Variants in NR6A1 observed in about 807,000 individuals in gnomAD.
The protein encoded by NR6A1 is retinoic acid receptor-related testis-associated receptor.
In NR6A1, 7 loss-of-function variants were observed where a neutral mutation model predicts 59.1. The ratio of observed to expected loss-of-function variants is 0.12; its 90% CI spans 0.07 to 0.22. NR6A1 has a LOEUF of 0.22. Ranked by LOEUF, NR6A1 falls within the 10% of genes least tolerant of loss-of-function variation. The pLI is 1.00. For synonymous variants in NR6A1, 243 were observed against 236.1 expected (o/e 1.03, Z -0.27); for missense variants, 468 against 611.6 (o/e 0.77, Z 2.48).
intron 2 of NR6A1, among the ~76,000 whole-genome samples, chr9:124,703,306 G>A (rs1037309270): frequency 6.8e-6 from 1 of 147,364 alleles, no homozygotes; most frequent in African/African-American, 2.5e-5. Flanking sequence ...TCAAACTCCT[G>A]GGCTCAGGTG....
intron 2 of NR6A1, among the ~76,000 whole-genome samples, chr9:124,599,971 T>C (rs571646716): frequency 1.3e-5 from 2 of 152,224 alleles, no homozygotes; most frequent in South Asian, 4.2e-4. Flanking sequence ...GCTGAAGGGG[T>C]AAGTTTAGTT....
chr9:124,564,139 C>T (rs1834165186), intron 2 of NR6A1, among the ~76,000 whole-genome samples: 1 of 152,018 alleles, frequency 6.6e-6, no homozygotes, highest in African/African-American at 2.4e-5. Flanking sequence ...ATAAATAGTG[C>T]TTTAATTTAA....
At chr9:124,555,945 T>G (rs1169249428) in intron 2 of NR6A1, among the ~76,000 whole-genome samples, 1 of 152,178 alleles carries the variant, frequency 6.6e-6, no homozygotes, top group Non-Finnish European at 1.5e-5. Flanking sequence ...TCGAAGGCAA[T>G]GTTAGCAGAG....
intron 2 of NR6A1, among the ~76,000 whole-genome samples, chr9:124,608,988 G>GT (rs879485044): frequency 2.4e-4 from 36 of 151,856 alleles, no homozygotes; most frequent in Non-Finnish European, 4.7e-4. Flanking sequence ...TTTTTAATGT[G>GT]TTTTTTTCCT....
intron 2 of NR6A1, among the ~76,000 whole-genome samples, chr9:124,587,255 AAC>A (rs1834963066): frequency 6.6e-6 from 1 of 152,232 alleles, no homozygotes; most frequent in Non-Finnish European, 1.5e-5. Context: ...CTATAGTATA[AAC>A]ACAACTTTTA....
chr9:124,542,940 AC>A (rs1256861845), intron 4 of NR6A1, among the ~76,000 whole-genome samples: 1 of 152,036 alleles, frequency 6.6e-6, no homozygotes, highest in Non-Finnish European at 1.5e-5. Context: ...CCAATTTTCT[AC>A]CCTCATGAAG....
intron 2 of NR6A1, among the ~76,000 whole-genome samples, chr9:124,588,116 G>A (rs1467779175): frequency 1.3e-5 from 2 of 152,100 alleles, no homozygotes; most frequent in African/African-American, 4.8e-5. Flanking sequence ...CTAATAAATC[G>A]AGTCTAAGTT....
chr9:124,638,208 A>G (rs916172637), intron 2 of NR6A1, among the ~76,000 whole-genome samples: 2 of 151,956 alleles, frequency 1.3e-5, no homozygotes, highest in African/African-American at 4.8e-5. Flanking sequence ...GTGAGCTATG[A>G]TCACACCACT....
intron 7 of NR6A1, among the ~76,000 whole-genome samples, chr9:124,533,579 G>A (rs1440547058): frequency 6.6e-6 from 1 of 152,182 alleles, no homozygotes; most frequent in Non-Finnish European, 1.5e-5. Flanking sequence ...GTGGGAGGGG[G>A]AGATGGATCC....
chr9:124,552,044 A>C (rs946717373), intron 3 of NR6A1, among the ~76,000 whole-genome samples: 2 of 152,180 alleles, frequency 1.3e-5, no homozygotes, highest in African/African-American at 4.8e-5. Context: ...TCTTCTGACT[A>C]TGGTCAGAGG....
chr9:124,599,000 CA>C (rs1374294562), intron 2 of NR6A1: 2 of 738,990 alleles, frequency 2.7e-6, no homozygotes, highest in Non-Finnish European at 2.5e-6. Flanking sequence ...GTGGTTGGCA[CA>C]AATCTTCAGG....
At chr9:124,525,284 AACACACACACACACACAC>A (rs71492413) in intron 8 of NR6A1, among the ~76,000 whole-genome samples, 4 of 137,304 alleles carry the variant, frequency 2.9e-5, no homozygotes, top group Admixed American at 2.2e-4. Context: ...ATGCTTGTAA[AACACACACACACACACAC>A]ACACACACAC....
rs1414443524 is a variant in NR6A1, at chr9:124,543,808, T to C, written c.435A>G (p.Pro145=). ...MPGGRNKSIG[P]VQISEEEIER... is the part of the protein sequence containing the mutation. The stretch of plus-strand genomic sequence containing the variant: ...ACTGAGGTCTAGAACTCACCTGGAC[T>C]GGCCCAATGCTCTTATTCCGGCCTC... Residue 145 remains proline (P), a synonymous_variant, in exon 4 of 10, where the codon CCA becomes CCG. Transcript: ENST00000487099. 14 of 1,613,432 alleles carry C rather than the reference T, an allele frequency of 8.7e-6. No individual in the cohort carries two copies. In the Admixed American group the frequency reaches 2.2e-4, roughly 25 times the overall value.
intron 2 of NR6A1, among the ~76,000 whole-genome samples, chr9:124,617,136 G>C (rs148335556): frequency 5.9e-5 from 9 of 152,308 alleles, no homozygotes; most frequent in African/African-American, 1.9e-4. Context: ...ACTTCACCCA[G>C]TCAATCTGCA....
intron 2 of NR6A1, among the ~76,000 whole-genome samples, chr9:124,662,744 T>C (rs963347749): frequency 2.0e-5 from 3 of 152,244 alleles, no homozygotes; most frequent in African/African-American, 7.2e-5. Context: ...GTGACCATGC[T>C]GTCCCATGCA....
Position 124,527,566 on chromosome 9 carries a change from G to A in NR6A1, c.1080-666C>T, listed in dbSNP as rs1430785056. ...ATTCTCTCAACCCTATGAGCTAGGT[G>A]AGATAATCATCAGCACTGTACAAAT... On this transcript the variant is annotated intron_variant, in intron 7 of 9. Coordinates refer to ENST00000487099, the MANE Select transcript of NR6A1 (RefSeq NM_033334.4). Among the ~76,000 whole-genome samples, 3 of 152,238 alleles carry A rather than the reference G, an allele frequency of 2.0e-5. No homozygotes were observed. In the East Asian group the frequency reaches 5.8e-4, roughly 29 times the overall value.
At chr9:124,624,916 T>G (rs530049364) in intron 2 of NR6A1, among the ~76,000 whole-genome samples, 1 of 151,448 alleles carries the variant, frequency 6.6e-6, no homozygotes, top group East Asian at 1.9e-4. Context: ...TAGCTTGTTT[T>G]TTTTTTTTTT....
intron 2 of NR6A1, among the ~76,000 whole-genome samples, chr9:124,728,777 CT>C (rs1338613431): frequency 6.6e-6 from 1 of 152,174 alleles, no homozygotes; most frequent in African/African-American, 2.4e-5. Flanking sequence ...GCACCAATCA[CT>C]AAGACTGCTT....
At chr9:124,665,039 T>TAAAAAAAA (rs1837569425) in intron 2 of NR6A1, among the ~76,000 whole-genome samples, 1 of 95,216 alleles carries the variant, frequency 1.1e-5, no homozygotes, top group African/African-American at 4.1e-5. Context: ...AAAAAAAAGG[T>TAAAAAAAA]AAAAATTAGC....
Sources: allele counts gnomAD v4.1 joint callset (sites outside exome capture counted in the v4.1 genomes callset), GRCh38; gene constraint gnomAD v4.1.1; transcripts MANE v1.5; gene names NCBI Gene and HGNC (gene_info 2026-07-23, HGNC 2026-07-21).